The following C1orf185 variants were observed in gnomAD, a reference collection of about 807,000 sequenced individuals.
The protein encoded by C1orf185 is uncharacterized protein C1orf185.
A neutral mutation model predicts 16.1 loss-of-function variants in C1orf185; 13 were observed. The observed-to-expected ratio is 0.81, with a 90% confidence interval of 0.53 to 1.28. The LOEUF is 1.28. Ranked by LOEUF, C1orf185 falls within the 50% of genes most tolerant of loss-of-function variation. C1orf185 has a pLI of 0.00. For missense variants in C1orf185, 220 were observed against 225.2 expected (o/e 0.98, Z 0.15); for synonymous variants, 80 against 76.9 (o/e 1.04, Z -0.21).
chr1:51,107,891 C>T (rs1253202672), intron 1 of C1orf185, among the ~76,000 whole-genome samples: 1 of 152,148 alleles, frequency 6.6e-6, no homozygotes, highest in Non-Finnish European at 1.5e-5. Context: ...ATCCATTCAA[C>T]TATTGATTGG....
At chr1:51,120,348 G>A (rs1409055812) in intron 3 of C1orf185, among the ~76,000 whole-genome samples, 3 of 152,150 alleles carry the variant, frequency 2.0e-5, no homozygotes, top group African/African-American at 7.2e-5. Context: ...ACCAATAGCT[G>A]TATAATGTTA....
At chr1:51,132,333 C>G (rs1338062359) in intron 3 of C1orf185, among the ~76,000 whole-genome samples, 2 of 152,074 alleles carry the variant, frequency 1.3e-5, no homozygotes, top group Non-Finnish European at 2.9e-5. Context: ...GTGCAAGAAG[C>G]TAAAAATCAT....
chr1:51,122,646 G>A (rs1437822241), intron 3 of C1orf185, among the ~76,000 whole-genome samples: 2 of 152,184 alleles, frequency 1.3e-5, no homozygotes, highest in African/African-American at 4.8e-5. Context: ...TTGGTATTAT[G>A]TAGTCTATGG....
intron 2 of C1orf185, 76 bp downstream of exon 2, chr1:51,112,645 A>C: frequency 7.8e-7 from 1 of 1,274,444 alleles, no homozygotes. Flanking sequence ...AAATGGAAGT[A>C]AACTTAAATA....
downstream of C1orf185, among the ~76,000 whole-genome samples, chr1:51,150,882 A>T (rs1437277164): frequency 6.6e-6 from 1 of 152,208 alleles, no homozygotes; most frequent in Non-Finnish European, 1.5e-5. Flanking sequence ...CATTACAGGA[A>T]GGAGTTTAGG....
chr1:51,102,276 AG>A (rs1255669834), intron 1 of C1orf185, 27 bp downstream of exon 1: 24 of 713,032 alleles, frequency 3.4e-5, no homozygotes, highest in Non-Finnish European at 5.2e-5. Flanking sequence ...CATGTAGTCT[AG>A]CTTTTTGCCT....
At chr1:51,106,626 G>A (rs189688512) in intron 1 of C1orf185, among the ~76,000 whole-genome samples, 1 of 152,174 alleles carries the variant, frequency 6.6e-6, no homozygotes, top group African/African-American at 2.4e-5. Context: ...TCCAGCCTGG[G>A]CAACAGAGTC....
chr1:51,116,663 T>A (rs1646160022), intron 2 of C1orf185, among the ~76,000 whole-genome samples: 1 of 152,140 alleles, frequency 6.6e-6, no homozygotes, highest in Admixed American at 6.6e-5. Flanking sequence ...GACTTTTCAT[T>A]GCCTTTGGAT....
chr1:51,106,740 A>C (rs72692271), intron 1 of C1orf185, among the ~76,000 whole-genome samples: 42 of 151,770 alleles, frequency 2.8e-4, no homozygotes, highest in Admixed American at 1.0e-3. Flanking sequence ...TTTTTTGTTC[A>C]TCTAAGCTTC....
chr1:51,151,743 C>A (rs973852446), downstream of C1orf185, among the ~76,000 whole-genome samples: 1 of 151,846 alleles, frequency 6.6e-6, no homozygotes, highest in Non-Finnish European at 1.5e-5. Context: ...GGCTGGAGTG[C>A]AGTGGCAATG....
At chr1:51,131,396 C>A (rs188762091) in intron 3 of C1orf185, among the ~76,000 whole-genome samples, 51 of 152,308 alleles carry the variant, frequency 3.3e-4, no homozygotes, top group African/African-American at 1.1e-3. Context: ...CCATTTTAGT[C>A]AGTGGTAAGA....
At chr1:51,118,557 GTAT>G in intron 2 of C1orf185, 106 bp from the exon 3 acceptor site, 1 of 655,662 alleles carries the variant, frequency 1.5e-6, no homozygotes, top group Non-Finnish European at 2.3e-6. Context: ...ATGCTATAAT[GTAT>G]TTATTCTGAT....
intron 2 of C1orf185, among the ~76,000 whole-genome samples, chr1:51,118,438 A>G (rs1474718015): frequency 1.3e-5 from 2 of 152,254 alleles, no homozygotes; most frequent in Non-Finnish European, 2.9e-5. Flanking sequence ...TTTACATTTC[A>G]TGAATAAAAT....
intron 3 of C1orf185, among the ~76,000 whole-genome samples, chr1:51,141,313 GACCCTGTCTCTAC>G (rs1398357239): frequency 1.3e-5 from 2 of 152,080 alleles, no homozygotes; most frequent in African/African-American, 4.8e-5. Context: ...AACACAGACA[GACCCTGTCTCTAC>G]ACCTCCAAAA....
intron 3 of C1orf185, among the ~76,000 whole-genome samples, chr1:51,134,835 G>A (rs148205717): frequency 2.6e-5 from 4 of 152,288 alleles, no homozygotes; most frequent in African/African-American, 9.6e-5. Context: ...ATAATAAGTT[G>A]TGAAATTCAG....
intron 4 of C1orf185, among the ~76,000 whole-genome samples, chr1:51,146,456 C>CAA (rs966563093): frequency 6.2e-5 from 4 of 64,632 alleles, no homozygotes; most frequent in Non-Finnish European, 3.3e-5. Flanking sequence ...AAGACTGTCT[C>CAA]AAAAAAAAAA....
chr1:51,151,239 G>T (rs1256174246), downstream of C1orf185, among the ~76,000 whole-genome samples: 5 of 152,182 alleles, frequency 3.3e-5, no homozygotes, highest in Admixed American at 6.5e-5. Context: ...AGGTGTAACA[G>T]GTTCAAATTC....
intron 3 of C1orf185, among the ~76,000 whole-genome samples, chr1:51,134,775 C>T (rs1305551230): frequency 1.3e-5 from 2 of 152,122 alleles, no homozygotes; most frequent in Non-Finnish European, 2.9e-5. Flanking sequence ...TTCCTGGACA[C>T]ATACTTCCTA....
In C1orf185 at chr1:51,145,136, T is replaced by C. The variant is rs191406305; in HGVS notation, c.259-588T>C. ...AATGTATTGTTTAAGCAATGCTTTA[T>C]TTGCTATAAAAAAATATTCCCAAGC... On this transcript the variant is annotated intron_variant, in intron 3 of 4. Coordinates refer to ENST00000371759, the MANE Select transcript of C1orf185 (RefSeq NM_001136508.2). 1.9e-4 allele frequency among the ~76,000 whole-genome samples: 29 copies of C among 152,084 alleles called. No individual in the cohort carries two copies. In the East Asian group the frequency reaches 5.6e-3, roughly 29 times the overall value.
Sources: allele counts gnomAD v4.1 joint callset (sites outside exome capture counted in the v4.1 genomes callset), GRCh38; gene constraint gnomAD v4.1.1; transcripts MANE v1.5; gene names NCBI Gene and HGNC (gene_info 2026-07-23, HGNC 2026-07-21).